The following RASL12 variants were observed in gnomAD, a reference collection of about 807,000 sequenced individuals.
The protein encoded by RASL12 is ras-like protein family member 12.
A neutral mutation model predicts 22.9 loss-of-function variants in RASL12; 16 were observed. The observed-to-expected ratio is 0.70, with a 90% confidence interval of 0.47 to 1.06. The LOEUF (loss-of-function observed/expected upper bound fraction) is 1.06, where lower values mean the gene tolerates loss of function less well. RASL12 is among the 50% of genes least tolerant of loss of function. The pLI is 0.00. For synonymous variants in RASL12, 159 were observed against 152.2 expected (o/e 1.04, Z -0.33); for missense variants, 306 against 353.1 (o/e 0.87, Z 1.07).
At chr15:65,064,903 T>C (rs547221199) in intron 2 of RASL12, among the ~76,000 whole-genome samples, 14 of 152,324 alleles carry the variant, frequency 9.2e-5, no homozygotes, top group African/African-American at 3.4e-4. Context: ...CCAAGAATAA[T>C]ACCTGTTTGG....
rs967016036 is a variant in RASL12 at position 65,053,631 on chromosome 15, A to T, written c.*1268T>A. On this transcript the variant is annotated 3_prime_UTR_variant, in exon 5 of 5. Transcript: ENST00000220062. ...CAACAGTAGTCCTGAGACGGCTGAG[A>T]GGGGAAGGAGCAGGCTTCCAGGCCC... 37 of 990,184 alleles carry T rather than the reference A, an allele frequency of 3.7e-5. No homozygotes were observed. Among genetic ancestry groups the T allele is most frequent in the South Asian group, 2.3e-4 (5 of 21,664 alleles). The allele number at this position is 990,184 out of a possible 1,614,324, so 61.3% of individuals were successfully genotyped here. A position where few individuals can be genotyped will look rare whatever the true frequency, so the allele number is the denominator to read the frequency against.
intron 2 of RASL12, among the ~76,000 whole-genome samples, chr15:65,064,601 G>GTT (rs35840381): frequency 9.0e-5 from 13 of 144,058 alleles, no homozygotes; most frequent in East Asian, 2.0e-4. Flanking sequence ...TTGTTTTTGA[G>GTT]TTTTTTTTTT....
At chr15:65,061,768 G>A (rs2086807693) in intron 2 of RASL12, among the ~76,000 whole-genome samples, 1 of 152,000 alleles carries the variant, frequency 6.6e-6, no homozygotes, top group Admixed American at 6.5e-5. Flanking sequence ...GCCTATGTTG[G>A]GCCGGGCGTG....
At chr15:65,053,272 CT>C, downstream of RASL12, 1 of 1,435,822 alleles carries the variant, frequency 7.0e-7, no homozygotes, top group East Asian at 2.5e-5. Context: ...CCGCTTTTTT[CT>C]TTTTCTTTCT....
intron 1 of RASL12, among the ~76,000 whole-genome samples, chr15:65,075,805 T>C (rs1161424661): frequency 6.6e-6 from 1 of 152,030 alleles, no homozygotes; most frequent in African/African-American, 2.4e-5. Flanking sequence ...ACTCTGTATC[T>C]AGCTGCTCTG....
chr15:65,058,344 C>T, intron 4 of RASL12, 83 bp downstream of exon 4: 1 of 1,135,074 alleles, frequency 8.8e-7, no homozygotes, highest in Non-Finnish European at 1.2e-6. Context: ...TCTTAGCAGC[C>T]CACTAATCCC....
At chr15:65,063,378 C>T (rs1284289473) in intron 2 of RASL12, among the ~76,000 whole-genome samples, 1 of 152,136 alleles carries the variant, frequency 6.6e-6, no homozygotes, top group Admixed American at 6.5e-5. Flanking sequence ...CCTCTGTCCT[C>T]AGTTTCTCCA....
upstream of RASL12, among the ~76,000 whole-genome samples, chr15:65,072,188 C>T (rs2086936602): frequency 6.6e-6 from 1 of 152,170 alleles, no homozygotes; most frequent in African/African-American, 2.4e-5. Context: ...GGATAGTATT[C>T]ATGGGGACTT....
At chr15:65,069,602 A>T (rs981123235), upstream of RASL12, among the ~76,000 whole-genome samples, 1 of 152,122 alleles carries the variant, frequency 6.6e-6, no homozygotes, top group Non-Finnish European at 1.5e-5. Context: ...TCATCTTTAA[A>T]ACTTGACCAA....
Position 65,053,803 on chromosome 15 carries a change from T to G in RASL12, c.*1096A>C, listed in dbSNP as rs2086691183. 1 of 986,062 alleles carries G rather than the reference T, an allele frequency of 1.0e-6. No homozygotes were observed. The highest frequency in any genetic ancestry group is 1.7e-5 in the African/African-American group (1 of 57,250). 61.1% of individuals were successfully genotyped at this position (986,062 alleles called of 1,614,324 possible). On this transcript the variant is annotated 3_prime_UTR_variant, in exon 5 of 5. Transcript: ENST00000220062. ...ACACTGCCTGCCTTGGACAGCCTTT[T>G]CTTGCTAACAGTGGGATCTCAAAGG...
the RASL12 span, among the ~76,000 whole-genome samples, chr15:65,046,596 C>T: frequency 0.89 from 135,536 of 152,310 alleles, 60,407 homozygotes; most frequent in East Asian, 0.99. Flanking sequence ...TATGTGTTTA[C>T]TGTAACAATA....
chr15:65,072,162 A>G (rs1010238668), upstream of RASL12, among the ~76,000 whole-genome samples: 4 of 152,124 alleles, frequency 2.6e-5, no homozygotes, highest in East Asian at 7.7e-4. Context: ...AAAGAAAGAA[A>G]CTGGCAGAGG....
At position 65,053,972 on chromosome 15, in the gene RASL12, A is replaced by AGGGTTCT; in HGVS notation, c.*926_*927insAGAACCC. ...CTTTGAACACTCAGACTCATTGCTGAGGGTCCTGGGTCCTGCCAAACCAGA... is the reference window on the plus strand; with the variant it reads ...CTTTGAACACTCAGACTCATTGCTGAGGGTTCTGGGTCCTGGGTCCTGCCAAACCAGA... On this transcript the variant is annotated 3_prime_UTR_variant, in exon 5 of 5. Transcript: ENST00000220062. The AGGGTTCT allele has an allele frequency of 1.0e-6, 1 of 985,864 alleles. No individual in the cohort carries two copies. The highest frequency in any genetic ancestry group is 1.2e-6 in the Non-Finnish European group (1 of 829,948). The allele number at this position is 985,864 out of a possible 1,614,324, so 61.1% of individuals were successfully genotyped here.
At chr15:65,058,703 A>C in intron 3 of RASL12, 86 bp from the exon 4 acceptor site, 1 of 970,406 alleles carries the variant, frequency 1.0e-6, no homozygotes. Flanking sequence ...CCACCTCCCC[A>C]CTCCCCGGTC....
chr15:65,066,452 C>T (rs1362525559), intron 1 of RASL12, among the ~76,000 whole-genome samples: 1 of 151,512 alleles, frequency 6.6e-6, no homozygotes, highest in Non-Finnish European at 1.5e-5. Flanking sequence ...GAGTTTGAGG[C>T]TATAGTGAGT....
chr15:65,069,407 A>G (rs888486260), upstream of RASL12, among the ~76,000 whole-genome samples: 3 of 152,226 alleles, frequency 2.0e-5, no homozygotes, highest in African/African-American at 7.2e-5. Flanking sequence ...GGCTGGCCCC[A>G]TTCTGTGAAG....
chr15:65,054,524 T>C lies in RASL12; in HGVS notation c.*375A>G. On this transcript the variant is annotated 3_prime_UTR_variant, in exon 5 of 5. Transcript: ENST00000220062. ...CTCGGGCCTGACATTGACAGAGCCATCCACCCAGACCATCCACTAAGGCCA... is the reference window on the plus strand; with the variant it reads ...CTCGGGCCTGACATTGACAGAGCCACCCACCCAGACCATCCACTAAGGCCA... The C allele has an allele frequency of 9.7e-7, 1 of 1,028,250 alleles. No individual in the cohort carries two copies. The highest frequency in any genetic ancestry group is 1.2e-6 in the Non-Finnish European group (1 of 856,852). The allele number at this position is 1,028,250 out of a possible 1,614,324, so 63.7% of individuals were successfully genotyped here. A position where few individuals can be genotyped will look rare whatever the true frequency, so the allele number is the denominator to read the frequency against.
At chr15:65,067,040 A>G (rs1194730969) in intron 1 of RASL12, among the ~76,000 whole-genome samples, 1 of 152,216 alleles carries the variant, frequency 6.6e-6, no homozygotes, top group Non-Finnish European at 1.5e-5. Context: ...GTGTTTCCAG[A>G]AAGTTGAGAG....
Position 65,062,038 on chromosome 15 carries a change from G to C in RASL12, c.161-2620C>G, listed in dbSNP as rs902578737. On this transcript the variant is annotated intron_variant, in intron 2 of 4. Transcript: ENST00000220062. ...GGAGCTTGCAGTGAGCCGAGATTGC[G>C]CCACTGCACTCCAGCCTGGGTGACC... Among the ~76,000 whole-genome samples the C allele has an allele frequency of 6.1e-5, 9 of 147,436 alleles. No individual in the cohort carries two copies. The Admixed American group carries it at 6.1e-4, about 10-fold the overall frequency.
Sources: gnomAD v4.1 joint callset for allele counts (sites outside exome capture counted in the v4.1 genomes callset) on GRCh38, gnomAD v4.1.1 for gene constraint, MANE v1.5 for transcripts, NCBI Gene and HGNC (gene_info 2026-07-23, HGNC 2026-07-21) for gene names.